The following NRF1 variants were observed in gnomAD, a reference collection of about 807,000 sequenced individuals.
NRF1 encodes the protein nuclear respiratory factor 1, also known as alpha palindromic-binding protein.
A neutral mutation model predicts 58.5 loss-of-function variants in NRF1; 5 were observed. The ratio of observed to expected loss-of-function variants is 0.09; its 90% CI spans 0.04 to 0.18. The LOEUF is 0.18. NRF1 is among the 10% of genes least tolerant of loss of function. NRF1 has a pLI of 1.00. For synonymous variants in NRF1, 224 were observed against 246.7 expected (o/e 0.91, Z 0.86); for missense variants, 288 against 657.7 (o/e 0.44, Z 6.15).
intron 1 of NRF1, among the ~76,000 whole-genome samples, chr7:129,646,723 A>C (rs555690505): frequency 1.6e-4 from 24 of 152,326 alleles, no homozygotes; most frequent in Non-Finnish European, 2.9e-4. Context: ...CAGTCTCCCT[A>C]GGCAAAACCT....
intron 5 of NRF1, among the ~76,000 whole-genome samples, chr7:129,692,092 C>T (rs536127430): frequency 6.6e-6 from 1 of 152,070 alleles, no homozygotes; most frequent in African/African-American, 2.4e-5. Flanking sequence ...CTCCACATTC[C>T]CCTGCCACCC....
At chr7:129,686,296 A>T (rs1200742031) in intron 4 of NRF1, among the ~76,000 whole-genome samples, 1 of 152,142 alleles carries the variant, frequency 6.6e-6, no homozygotes, top group Admixed American at 6.5e-5. Context: ...AGGCAGGCAC[A>T]ACTTTATCTG....
At chr7:129,634,887 G>A (rs1801134094) in intron 1 of NRF1, among the ~76,000 whole-genome samples, 2 of 152,190 alleles carry the variant, frequency 1.3e-5, no homozygotes, top group Admixed American at 6.5e-5. Flanking sequence ...AGTAATTGAG[G>A]TCTGTGGGGC....
At chr7:129,680,419 T>C (rs1296516833) in intron 4 of NRF1, among the ~76,000 whole-genome samples, 1 of 152,256 alleles carries the variant, frequency 6.6e-6, no homozygotes. Flanking sequence ...AAAGTTGCCA[T>C]GTGTCCTAGC....
chr7:129,731,720 C>G (rs1244878020), intron 10 of NRF1, among the ~76,000 whole-genome samples: 2 of 152,124 alleles, frequency 1.3e-5, no homozygotes, highest in African/African-American at 2.4e-5. Context: ...ATCCTCCCAC[C>G]TCAGCCTACT....
chr7:129,711,840 G>C (rs1351642325), intron 8 of NRF1, among the ~76,000 whole-genome samples: 2 of 152,148 alleles, frequency 1.3e-5, no homozygotes, highest in East Asian at 3.9e-4. Flanking sequence ...ACAATACAAA[G>C]GGATTATCCC....
intron 1 of NRF1, among the ~76,000 whole-genome samples, chr7:129,652,667 T>C (rs1277820171): frequency 6.6e-6 from 1 of 152,186 alleles, no homozygotes; most frequent in East Asian, 1.9e-4. Flanking sequence ...CGCATCTCAC[T>C]GCAAGCTCCG....
intron 9 of NRF1, among the ~76,000 whole-genome samples, chr7:129,723,443 CAAA>C (rs1279913396): frequency 8.1e-6 from 1 of 123,060 alleles, no homozygotes. Context: ...AACTCTATCT[CAAA>C]AAAAAAAAAA....
intron 1 of NRF1, among the ~76,000 whole-genome samples, chr7:129,656,453 T>TG (rs925117385): frequency 8.7e-4 from 130 of 149,758 alleles, no homozygotes; most frequent in African/African-American, 3.0e-3. Flanking sequence ...ACTTCTGGGG[T>TG]GGGGGGGAGT....
At chr7:129,618,424 G>A (rs754378293) in intron 1 of NRF1, among the ~76,000 whole-genome samples, 4 of 152,200 alleles carry the variant, frequency 2.6e-5, no homozygotes, top group African/African-American at 4.8e-5. Flanking sequence ...AGCCAGGCAT[G>A]GTGCCTCACA....
chr7:129,672,367 C>A (rs1323327251), intron 3 of NRF1, among the ~76,000 whole-genome samples: 1 of 151,922 alleles, frequency 6.6e-6, no homozygotes, highest in Admixed American at 6.6e-5. Context: ...ATATCAGGGG[C>A]TTGACTCTTA....
intron 5 of NRF1, among the ~76,000 whole-genome samples, chr7:129,693,930 A>G (rs747928569): frequency 2.6e-5 from 4 of 152,178 alleles, no homozygotes; most frequent in Admixed American, 6.5e-5. Context: ...ATTATATTAT[A>G]TCATCGTGGA....
chr7:129,723,014 T>G (rs1282290353), intron 9 of NRF1, among the ~76,000 whole-genome samples: 2 of 152,240 alleles, frequency 1.3e-5, no homozygotes, highest in Non-Finnish European at 2.9e-5. Context: ...AAGAGTATAC[T>G]TTTCTGCTTT....
At chr7:129,618,019 G>T (rs1266412248) in intron 1 of NRF1, among the ~76,000 whole-genome samples, 2 of 152,154 alleles carry the variant, frequency 1.3e-5, no homozygotes, top group African/African-American at 2.4e-5. Context: ...GACCATAAGA[G>T]GTTTGAGTAG....
intron 10 of NRF1, among the ~76,000 whole-genome samples, chr7:129,728,746 G>A (rs956990484): frequency 3.3e-5 from 5 of 152,208 alleles, no homozygotes; most frequent in African/African-American, 7.2e-5. Flanking sequence ...AAGAGCCATC[G>A]TGGCTTCTGA....
intron 10 of NRF1, among the ~76,000 whole-genome samples, chr7:129,750,269 C>T (rs1026293766): frequency 6.6e-6 from 1 of 152,158 alleles, no homozygotes; most frequent in African/African-American, 2.4e-5. Context: ...CAGGGGCAGG[C>T]TGAGCAGATG....
intron 1 of NRF1, among the ~76,000 whole-genome samples, chr7:129,622,503 A>G (rs1179387714): frequency 6.6e-6 from 1 of 152,172 alleles, no homozygotes. Context: ...GAAGAAAATT[A>G]AAGATAATTC....
Position 129,625,745 on chromosome 7 carries a change from G to A in NRF1, c.-7+13921G>A, listed in dbSNP as rs182882470. Reference sequence around the variant, plus strand: ...TGCCCAGGCTGGAGTGCAGTGGTGCGATCTCAGCTCACTGCAAGCTCTGCC... The same window carrying A: ...TGCCCAGGCTGGAGTGCAGTGGTGCAATCTCAGCTCACTGCAAGCTCTGCC... On this transcript the variant is annotated intron_variant, in intron 1 of 10. Transcript: ENST00000393232. Among the ~76,000 whole-genome samples the A allele has an allele frequency of 8.2e-3, 1,171 of 143,648 alleles. 17 individuals are homozygous for A. The highest frequency in any genetic ancestry group is 0.028 in the African/African-American group (1,092 of 38,618). 94.2% of individuals were successfully genotyped at this position (143,648 alleles called of 152,430 possible).
chr7:129,723,899 C>G (rs1562983926), intron 9 of NRF1, among the ~76,000 whole-genome samples: 1 of 152,202 alleles, frequency 6.6e-6, no homozygotes, highest in Non-Finnish European at 1.5e-5. Context: ...GAAGTTGGAC[C>G]TTTACCTAAC....
Sources: allele counts gnomAD v4.1 joint callset (sites outside exome capture counted in the v4.1 genomes callset), GRCh38; gene constraint gnomAD v4.1.1; transcripts MANE v1.5; gene names NCBI Gene and HGNC (gene_info 2026-07-23, HGNC 2026-07-21).